Variants in GPC5 observed in about 807,000 individuals in gnomAD.
GPC5 encodes the protein glypican 5.
A neutral mutation model predicts 53.9 loss-of-function variants in GPC5; 47 were observed. The ratio of observed to expected loss-of-function variants is 0.87; its 90% CI spans 0.69 to 1.11. The LOEUF (loss-of-function observed/expected upper bound fraction) is 1.11, where lower values mean the gene tolerates loss of function less well. Ranked by LOEUF, GPC5 falls within the 50% of genes most tolerant of loss-of-function variation. The pLI, the probability that GPC5 is intolerant of heterozygous loss-of-function variation, is 0.00. For synonymous variants in GPC5, 286 were observed against 263.3 expected, an observed-to-expected ratio of 1.09 and a Z score of -0.84; for missense variants, 748 against 713.1, an observed-to-expected ratio of 1.05 and a Z score of -0.56.
At chr13:91,431,096 C>T (rs1879413518) in intron 1 of GPC5, among the ~76,000 whole-genome samples, 1 of 152,128 alleles carries the variant, frequency 6.6e-6, no homozygotes, top group East Asian at 1.9e-4. Flanking sequence ...CCAGGTTGGT[C>T]TCAAACTCCT....
intron 7 of GPC5, among the ~76,000 whole-genome samples, chr13:92,293,669 A>T (rs1246800108): frequency 2.6e-5 from 4 of 151,966 alleles, no homozygotes; most frequent in Non-Finnish European, 5.9e-5. Flanking sequence ...CTCATTACCA[A>T]TTTGGATGCG....
intron 4 of GPC5, among the ~76,000 whole-genome samples, chr13:91,732,759 C>A (rs1034274667): frequency 4.6e-5 from 7 of 152,146 alleles, no homozygotes; most frequent in Non-Finnish European, 5.9e-5. Context: ...GTTTTCCCAG[C>A]ACCTTTTATT....
intron 7 of GPC5, among the ~76,000 whole-genome samples, chr13:92,146,085 TA>T (rs1483023758): frequency 6.6e-6 from 1 of 152,122 alleles, no homozygotes; most frequent in Non-Finnish European, 1.5e-5. Flanking sequence ...TTAGACACAG[TA>T]ATACATTTTA....
intron 5 of GPC5, among the ~76,000 whole-genome samples, chr13:91,763,689 T>C (rs2037463545): frequency 2.0e-5 from 3 of 152,218 alleles, no homozygotes; most frequent in Non-Finnish European, 4.4e-5. Flanking sequence ...AATATCCCTA[T>C]GCCACAGTTG....
chr13:92,771,094 C>A (rs1875596137), intron 7 of GPC5, among the ~76,000 whole-genome samples: 1 of 152,080 alleles, frequency 6.6e-6, no homozygotes, highest in Non-Finnish European at 1.5e-5. Flanking sequence ...TGGGTGGGGG[C>A]TGGACTCTCC....
intron 6 of GPC5, among the ~76,000 whole-genome samples, chr13:91,927,551 C>A (rs1395508259): frequency 6.6e-6 from 1 of 151,988 alleles, no homozygotes. Flanking sequence ...CAGTCTATGG[C>A]AATTATCTGT....
intron 2 of GPC5, among the ~76,000 whole-genome samples, chr13:91,636,842 T>C (rs116176185): frequency 6.6e-6 from 1 of 152,186 alleles, no homozygotes; most frequent in African/African-American, 2.4e-5. Flanking sequence ...CCTGTAGACC[T>C]GACAACTCTG....
At chr13:91,565,949 T>C (rs1055387586) in intron 2 of GPC5, among the ~76,000 whole-genome samples, 7 of 152,272 alleles carry the variant, frequency 4.6e-5, no homozygotes, top group African/African-American at 1.7e-4. Flanking sequence ...GACCCATGAT[T>C]TCAATTTGTG....
At chr13:91,597,470 C>T (rs1395625826) in intron 2 of GPC5, among the ~76,000 whole-genome samples, 1 of 152,150 alleles carries the variant, frequency 6.6e-6, no homozygotes. Flanking sequence ...ACCCTAGCAT[C>T]ACTGGGTGTG....
Position 92,004,458 on chromosome 13 carries a change from TTATATATATATA to T in GPC5, c.1401+96422_1401+96433del, listed in dbSNP as rs58376767. On this transcript the variant is annotated intron_variant, in intron 6 of 7. Transcript: ENST00000377067. ...GACTCCGTCTCAAAAAAAAAAAAAATTATATATATATATATATATATATATATATATAATTAC... is the reference window on the plus strand; with the variant it reads ...GACTCCGTCTCAAAAAAAAAAAAAATTATATATATATATATATATAATTAC... Among the ~76,000 whole-genome samples the T allele has an allele frequency of 5.7e-4, 47 of 82,528 alleles. 1 individual carries two copies. The highest frequency in any genetic ancestry group is 2.1e-3 in the African/African-American group (36 of 17,200). 54.1% of individuals were successfully genotyped at this position (82,528 alleles called of 152,430 possible). A position where few individuals can be genotyped will look rare whatever the true frequency, so the allele number is the denominator to read the frequency against.
At chr13:92,623,466 C>T (rs1455232110) in intron 7 of GPC5, among the ~76,000 whole-genome samples, 2 of 152,202 alleles carry the variant, frequency 1.3e-5, no homozygotes, top group African/African-American at 4.8e-5. Context: ...GCTTCACAGC[C>T]TTCTCTCATA....
intron 7 of GPC5, among the ~76,000 whole-genome samples, chr13:92,678,281 A>G (rs751431594): frequency 4.6e-5 from 7 of 152,234 alleles, no homozygotes; most frequent in Non-Finnish European, 1.0e-4. Context: ...TTTTATGCCT[A>G]ATTATGTCAG....
chr13:92,557,106 A>G (rs147322388), intron 7 of GPC5, among the ~76,000 whole-genome samples: 2 of 151,804 alleles, frequency 1.3e-5, no homozygotes, highest in African/African-American at 4.8e-5. Context: ...AGAGAAAAAA[A>G]AAAGGGACGG....
intron 2 of GPC5, among the ~76,000 whole-genome samples, chr13:91,533,658 C>T (rs1266393124): frequency 6.6e-6 from 1 of 152,090 alleles, no homozygotes; most frequent in South Asian, 2.1e-4. Context: ...AAAGGGTGCT[C>T]CAAATGATTA....
intron 7 of GPC5, among the ~76,000 whole-genome samples, chr13:92,160,490 G>C (rs972253818): frequency 3.3e-5 from 5 of 152,142 alleles, no homozygotes; most frequent in African/African-American, 4.8e-5. Flanking sequence ...TCCAGAGGAA[G>C]ATAATCACAT....
chr13:92,799,659 A>G (rs1876828437), intron 7 of GPC5, among the ~76,000 whole-genome samples: 1 of 151,772 alleles, frequency 6.6e-6, no homozygotes, highest in African/African-American at 2.4e-5. Context: ...CCATCTTACA[A>G]TTGTGATTCT....
intron 7 of GPC5, among the ~76,000 whole-genome samples, chr13:92,698,762 A>G (rs1887638596): frequency 6.6e-6 from 1 of 152,170 alleles, no homozygotes; most frequent in South Asian, 2.1e-4. Context: ...CAATGGTTGA[A>G]CTAGTTTACA....
At chr13:91,437,886 C>A (rs1880107263) in intron 1 of GPC5, among the ~76,000 whole-genome samples, 1 of 152,066 alleles carries the variant, frequency 6.6e-6, no homozygotes, top group Non-Finnish European at 1.5e-5. Flanking sequence ...CTAAACTTCC[C>A]TTCCCTTCTC....
chr13:92,356,971 G>T (rs1319973719), intron 7 of GPC5, among the ~76,000 whole-genome samples: 5 of 152,128 alleles, frequency 3.3e-5, no homozygotes, highest in African/African-American at 1.2e-4. Context: ...TGTGGAATTT[G>T]GTTTTCTACT....
Sources: gnomAD v4.1 joint callset for allele counts (sites outside exome capture counted in the v4.1 genomes callset) on GRCh38, gnomAD v4.1.1 for gene constraint, MANE v1.5 for transcripts, NCBI Gene and HGNC (gene_info 2026-07-23, HGNC 2026-07-21) for gene names.